The following KLK1 variants were observed in gnomAD, a reference collection of about 807,000 sequenced individuals.
KLK1 encodes the protein kallikrein 1.
Under a neutral mutation model 23.3 loss-of-function variants are expected in KLK1, and 22 were observed. The ratio of observed to expected loss-of-function variants is 0.95; its 90% CI spans 0.68 to 1.35. The LOEUF is 1.35. Ranked by LOEUF, KLK1 falls within the 40% of genes most tolerant of loss-of-function variation. The pLI, the probability that KLK1 is intolerant of heterozygous loss-of-function variation, is 0.00. For synonymous variants in KLK1, 140 were observed against 135.8 expected (o/e 1.03, Z -0.21); for missense variants, 301 against 338.9 (o/e 0.89, Z 0.88).
chr19:50,819,361 A>G lies in KLK1; in HGVS notation c.634-12T>C. The stretch of plus-strand genomic sequence containing the variant: ...CCCCCTGAATCACCCTGGGAGCACA[A>G]GGTGGGAGGGGAGAGTGAGAAAGGT... On this transcript the variant is annotated splice_polypyrimidine_tract_variant and intron_variant, in intron 4 of 4. Coordinates refer to ENST00000301420, the MANE Select transcript of KLK1 (RefSeq NM_002257.4). 6.2e-7 allele frequency: 1 copy of G among 1,601,034 alleles called. No individual in the cohort carries two copies. Among genetic ancestry groups the G allele is most frequent in the Non-Finnish European group, 8.5e-7 (1 of 1,170,682 alleles).
chr19:50,822,713 C>T (rs1472923314), intron 1 of KLK1: 1 of 985,258 alleles, frequency 1.0e-6, no homozygotes, highest in Non-Finnish European at 1.2e-6. Context: ...CTTCGTTTCT[C>T]ATGGGGATGG....
intron 1 of KLK1, chr19:50,822,130 GACAGGAGA>G: frequency 8.2e-7 from 1 of 1,225,494 alleles, no homozygotes; most frequent in Non-Finnish European, 1.0e-6. Flanking sequence ...CAGGGTAGGA[GACAGGAGA>G]CAGTGTCTGG....
At chr19:50,820,472 G>A in intron 2 of KLK1, 29 bp from the exon 3 acceptor site, 2 of 1,010,410 alleles carry the variant, frequency 2.0e-6, no homozygotes, top group Non-Finnish European at 2.8e-6. Flanking sequence ...GGAGGGATGA[G>A]AAGACGGGAA....
At position 50,820,307 on chromosome 19, in the gene KLK1, C is replaced by T. The variant is rs201758437; in HGVS notation, c.343G>A (p.Glu115Lys). 7.6e-5 allele frequency: 123 copies of T among 1,613,894 alleles called. No homozygotes were observed. Among genetic ancestry groups the T allele is most frequent in the Admixed American group, 1.2e-4 (7 of 59,992 alleles). The change falls in exon 3 of 5, where the codon GAG (glutamate) becomes AAG (lysine). Residue 115 changes from glutamate to lysine, a missense_variant. Coordinates refer to ENST00000301420, the MANE Select transcript of KLK1 (RefSeq NM_002257.4). ...AGCATGAGGTCGTGGCTGTAGTCCTCGTCTGCTTGGCGGGTGTGGTTCTCC... is the reference window on the plus strand; with the variant it reads ...AGCATGAGGTCGTGGCTGTAGTCCTTGTCTGCTTGGCGGGTGTGGTTCTCC... ...LLENHTRQAD[E>K]DYSHDLMLLR... is the part of the protein sequence containing the mutation.
In KLK1 at chr19:50,820,302, G is replaced by A; in HGVS notation, c.348C>T (p.Asp116=). 1.2e-6 allele frequency: 2 copies of A among 1,614,076 alleles called. No individual in the cohort carries two copies. The highest frequency in any genetic ancestry group is 1.7e-6 in the Non-Finnish European group (2 of 1,180,006). The change falls in exon 3 of 5, where the codon GAC becomes GAT. Residue 116 remains aspartate (D), a synonymous_variant. Coordinates refer to ENST00000301420, the MANE Select transcript of KLK1 (RefSeq NM_002257.4). ...GGAGCAGCATGAGGTCGTGGCTGTA[G>A]TCCTCGTCTGCTTGGCGGGTGTGGT... is the stretch of plus-strand genomic sequence containing the variant. ...LENHTRQADE[D]YSHDLMLLRL...
At chr19:50,822,810 C>T (rs765458228) in intron 1 of KLK1, 12 of 978,624 alleles carry the variant, frequency 1.2e-5, no homozygotes, top group South Asian at 4.7e-5. Flanking sequence ...TGAGAACAGG[C>T]GCCAAGCAGC....
chr19:50,822,380 A>G lies in KLK1; in HGVS notation c.47-509T>C, dbSNP rs3212823. 8.3e-5 allele frequency: 82 copies of G among 986,900 alleles called. 1 individual carries two copies. In the East Asian group the frequency reaches 2.6e-3, roughly 31 times the overall value. The allele number at this position is 986,900 out of a possible 1,614,324, so 61.1% of individuals were successfully genotyped here. A position where few individuals can be genotyped will look rare whatever the true frequency, so the allele number is the denominator to read the frequency against. On this transcript the variant is annotated intron_variant, in intron 1 of 4. Transcript: ENST00000301420. Reference sequence around the variant, plus strand: ...TTCAGGAAAGGATGCAGCTTTAGGGAACCAGGTCTGAGAGGTAAAGAAGAG... The same window carrying G: ...TTCAGGAAAGGATGCAGCTTTAGGGGACCAGGTCTGAGAGGTAAAGAAGAG...
At position 50,819,168 on chromosome 19, in the gene KLK1, T is replaced by C. The variant is rs774159101; in HGVS notation, c.*26A>G. On this transcript the variant is annotated 3_prime_UTR_variant, in exon 5 of 5. Coordinates refer to ENST00000301420, the MANE Select transcript of KLK1 (RefSeq NM_002257.4). ...ACATTGGATGCACATTTGATTTTAC[T>C]GGGGGTAGGGGACAGGGCTGGGCGT... 5 of 1,584,988 alleles carry C rather than the reference T, an allele frequency of 3.2e-6. No individual in the cohort carries two copies. The highest frequency in any genetic ancestry group is 4.3e-6 in the Non-Finnish European group (5 of 1,159,916).
intron 3 of KLK1, 30 bp from the exon 4 acceptor site, chr19:50,820,065 C>A: frequency 6.2e-7 from 1 of 1,613,126 alleles, no homozygotes; most frequent in Non-Finnish European, 8.5e-7. Context: ...AGGGCTGCAG[C>A]CCGACCTCAC....
intron 1 of KLK1, chr19:50,822,981 G>A: frequency 3.3e-6 from 3 of 900,858 alleles, no homozygotes; most frequent in Non-Finnish European, 4.0e-6. Context: ...GGCAGAGAAG[G>A]GCTGGGGCCT....
rs1276646488 is a variant in KLK1, at chr19:50,823,692, C to T, written c.46+11G>A. Reference sequence around the variant, plus strand: ...GCCCGTTCCCCCTCCCACATCCCCCCACTGTCTCACCAGTCCCCCCCAGGG... The same window carrying T: ...GCCCGTTCCCCCTCCCACATCCCCCTACTGTCTCACCAGTCCCCCCCAGGG... On this transcript the variant is annotated intron_variant, in intron 1 of 4. Transcript: ENST00000301420. The T allele has an allele frequency of 1.3e-6, 2 of 1,583,374 alleles. No homozygotes were observed. The highest frequency in any genetic ancestry group is 1.7e-6 in the Non-Finnish European group (2 of 1,153,892).
Position 50,822,278 on chromosome 19 carries a change from A to C in KLK1, c.47-407T>G, listed in dbSNP as rs958624796. The C allele has an allele frequency of 3.0e-6, 3 of 997,990 alleles. No individual in the cohort carries two copies. The African/African-American group carries it at 5.2e-5, about 17-fold the overall frequency. 61.8% of individuals were successfully genotyped at this position (997,990 alleles called of 1,614,324 possible). ...GGCGCCAAGGGTGGGACAGGATCAG[A>C]GGCTCACTGAGGAAGAATCTGGAGG... On this transcript the variant is annotated intron_variant, in intron 1 of 4. Coordinates refer to ENST00000301420, the MANE Select transcript of KLK1 (RefSeq NM_002257.4).
chr19:50,822,681 C>T lies in KLK1; in HGVS notation c.47-810G>A, dbSNP rs530224387. On this transcript the variant is annotated intron_variant, in intron 1 of 4. Coordinates refer to ENST00000301420, the MANE Select transcript of KLK1 (RefSeq NM_002257.4). ...GGGAGGCGTGAGTGGCAGTCCTTCT[C>T]GGACAGGGTGAAGGATGGGATCTTC... 33 of 985,226 alleles carry T rather than the reference C, an allele frequency of 3.3e-5. No individual in the cohort carries two copies. In the Middle Eastern group the frequency reaches 1.6e-3, roughly 47 times the overall value. The allele number at this position is 985,226 out of a possible 1,614,324, so 61.0% of individuals were successfully genotyped here.
At position 50,823,736 on chromosome 19, in the gene KLK1, C is replaced by T. The variant is rs1386395435; in HGVS notation, c.13G>A (p.Val5Ile). The stretch of plus-strand genomic sequence containing the variant: ...CCCAGGGACAGGGCGAGGCACAGAA[C>T]CAGGAACCACATGGTGACAGAGGTG... MWFLVLCLALSLGGT... is the reference protein window; with the variant it reads MWFLILCLALSLGGT... The change falls in exon 1 of 5, where the codon GTT becomes ATT. Residue 5 changes from valine (V) to isoleucine (I), a missense_variant. Val to Ile is a conservative substitution (Grantham distance 29). Transcript: ENST00000301420. The T allele has an allele frequency of 6.2e-7, 1 of 1,611,206 alleles. No homozygotes were observed. The highest frequency in any genetic ancestry group is 1.1e-5 in the South Asian group (1 of 90,852).
intron 1 of KLK1, chr19:50,822,168 C>A: frequency 1.9e-6 from 2 of 1,045,534 alleles, no homozygotes; most frequent in Non-Finnish European, 2.3e-6. Context: ...TGCATCTGGG[C>A]GTCAGGTCAT....
At position 50,819,251 on chromosome 19, in the gene KLK1, G is replaced by A. The variant is rs199823924; in HGVS notation, c.732C>T (p.Ala244=). Residue 244 remains alanine (A), a synonymous_variant, in exon 5 of 5, where the codon GCC becomes GCT. Transcript: ENST00000301420. ...PCGTPNKPSV[A]VRVLSYVKWI... ...ACTTCACATAAGACAGCACTCTGAC[G>A]GCGACAGAAGGCTTATTGGGGGTGC... 1 of 1,614,200 alleles carries A rather than the reference G, an allele frequency of 6.2e-7. No homozygotes were observed. The highest frequency in any genetic ancestry group is 2.2e-5 in the East Asian group (1 of 44,888).
At chr19:50,819,386 T>A in intron 4 of KLK1, 37 bp from the exon 5 acceptor site, 5 of 1,570,588 alleles carry the variant, frequency 3.2e-6, no homozygotes, top group Non-Finnish European at 4.3e-6. Flanking sequence ...GTGAGAAAGG[T>A]CTACGGGGCC....
At position 50,819,172 on chromosome 19, in the gene KLK1, G is replaced by T. The variant is rs376697259; in HGVS notation, c.*22C>A. ...TGGATGCACATTTGATTTTACTGGG[G>T]GTAGGGGACAGGGCTGGGCGTTCAG... On this transcript the variant is annotated 3_prime_UTR_variant, in exon 5 of 5. Transcript: ENST00000301420. 89 of 1,594,468 alleles carry T rather than the reference G, an allele frequency of 5.6e-5. No individual in the cohort carries two copies. The highest frequency in any genetic ancestry group is 7.4e-5 in the Non-Finnish European group (86 of 1,166,178).
chr19:50,819,414 G>T (rs1479566275), intron 4 of KLK1, 65 bp from the exon 5 acceptor site: 3 of 1,499,214 alleles, frequency 2.0e-6, no homozygotes, highest in African/African-American at 2.8e-5. Flanking sequence ...TGCCTGGGGA[G>T]CCCCAGCTCG....
Sources: allele counts gnomAD v4.1 joint callset, GRCh38; gene constraint gnomAD v4.1.1; transcripts MANE v1.5; gene names NCBI Gene and HGNC (gene_info 2026-07-23, HGNC 2026-07-21).